SRP19: variants seen among roughly 807,000 people sequenced by gnomAD.
SRP19 encodes signal recognition particle 19 kDa protein.
Under a neutral mutation model 22.4 loss-of-function variants are expected in SRP19, and 11 were observed. That is an observed-to-expected ratio of 0.49 (90% CI 0.31 to 0.81). The LOEUF is 0.81. SRP19 is among the 40% of genes least tolerant of loss of function. SRP19 has a pLI of 0.05. For synonymous variants in SRP19, 61 were observed against 57.6 expected (o/e 1.06, Z -0.27); for missense variants, 168 against 175.9 (o/e 0.96, Z 0.25).
Position 112,869,634 on chromosome 5 carries a change from A to T in SRP19, c.*2097A>T, listed in dbSNP as rs1767712978. ...ATCTCATCTTGAATTATAATCCCCA[A>T]ATCCCTATGTGTTAAGGGTGGGACC... On this transcript the variant is annotated 3_prime_UTR_variant, in exon 5 of 5. Coordinates refer to ENST00000505459, the MANE Select transcript of SRP19 (RefSeq NM_003135.3). 1 of 152,268 alleles carries T rather than the reference A, an allele frequency of 6.6e-6. No homozygotes were observed. The highest frequency in any genetic ancestry group is 1.5e-5 in the Non-Finnish European group (1 of 68,082). The allele number at this position is 152,268 out of a possible 1,614,324, so 9.4% of individuals were successfully genotyped here.
At chr5:112,880,733 C>T (rs1768047876) in intron 4 of SRP19, among the ~76,000 whole-genome samples, 1 of 152,062 alleles carries the variant, frequency 6.6e-6, no homozygotes, top group Non-Finnish European at 1.5e-5. Context: ...CTAAGAGAAC[C>T]AAGAGGCTAA....
At chr5:112,884,271 C>T (rs925622268) in intron 4 of SRP19, among the ~76,000 whole-genome samples, 3 of 152,184 alleles carry the variant, frequency 2.0e-5, no homozygotes, top group Admixed American at 1.3e-4. Flanking sequence ...TCTTCCACCT[C>T]ATCTCCTCCT....
rs191227399 is a variant in SRP19, at chr5:112,892,334, A to G, written c.*727A>G. 4.1e-4 allele frequency: 668 copies of G among 1,614,188 alleles called. 4 individuals carry two copies. The African/African-American group carries it at 7.8e-3, about 19-fold the overall frequency. ...TATGACCCTGACGCAAGCCTGGAGTACAGCGAGGAAGAAACCTACCAACAG... is the reference window on the plus strand; with the variant it reads ...TATGACCCTGACGCAAGCCTGGAGTGCAGCGAGGAAGAAACCTACCAACAG... On this transcript the variant is annotated 3_prime_UTR_variant, in exon 5 of 5. Coordinates refer to the SRP19 transcript ENST00000391338.
At chr5:112,888,838 T>C (rs1356573077) in intron 4 of SRP19, among the ~76,000 whole-genome samples, 2 of 150,786 alleles carry the variant, frequency 1.3e-5, no homozygotes, top group Admixed American at 1.3e-4. Flanking sequence ...ATGGTTTAGC[T>C]GTGTCCCCAC....
chr5:112,894,129 T>TG (rs1289946445), downstream of SRP19: 1 of 83,958 alleles, frequency 1.2e-5, no homozygotes, highest in Non-Finnish European at 2.4e-5. Context: ...TTTTTGTTTT[T>TG]TTTTTTTTTT....
intron 4 of SRP19, among the ~76,000 whole-genome samples, chr5:112,890,796 G>C (rs745614557): frequency 9.3e-5 from 14 of 150,646 alleles, no homozygotes; most frequent in Non-Finnish European, 1.9e-4. Context: ...TTCCAATCCT[G>C]GTTCTGCCAT....
intron 4 of SRP19, among the ~76,000 whole-genome samples, chr5:112,890,914 G>A (rs1768419629): frequency 6.7e-6 from 1 of 150,372 alleles, no homozygotes; most frequent in African/African-American, 2.5e-5. Context: ...CTATAATTTT[G>A]TAAGAAAATA....
chr5:112,890,904 C>T (rs1326954277), intron 4 of SRP19, among the ~76,000 whole-genome samples: 1 of 150,370 alleles, frequency 6.7e-6, no homozygotes, highest in Non-Finnish European at 1.5e-5. Flanking sequence ...AAATTTACCC[C>T]TATAATTTTG....
chr5:112,867,269 GAT>G lies in SRP19; in HGVS notation c.302-134_302-133del, dbSNP rs561616034. The G allele has an allele frequency of 2.1e-4, 220 of 1,039,008 alleles. 1 individual carries two copies. In the African/African-American group the frequency reaches 2.9e-3, roughly 14 times the overall value. The allele number at this position is 1,039,008 out of a possible 1,614,324, so 64.4% of individuals were successfully genotyped here. On this transcript the variant is annotated intron_variant, in intron 4 of 4. Transcript: ENST00000505459. ...AGCTAGTCAGTGTCTTCAGTCATTT[GAT>G]TTTTGATTTTTTAAAAAAGTTATTT...
intron 4 of SRP19, among the ~76,000 whole-genome samples, chr5:112,882,698 G>A (rs979861686): frequency 6.6e-6 from 1 of 152,162 alleles, no homozygotes; most frequent in Non-Finnish European, 1.5e-5. Flanking sequence ...ACACTACAAT[G>A]GCAGAGAAGA....
downstream of SRP19, chr5:112,894,378 G>A (rs576739163): frequency 3.9e-5 from 6 of 152,296 alleles, no homozygotes; most frequent in African/African-American, 1.4e-4. Flanking sequence ...GCCTCCTAAT[G>A]TGCTTAGGAT....
downstream of SRP19, chr5:112,895,259 T>C (rs1415743072): frequency 2.0e-5 from 1 of 49,954 alleles, no homozygotes; most frequent in Admixed American, 2.0e-4. Context: ...AAAAAAAAAA[T>C]CAGGAGAGGT....
rs150127064 is a variant in SRP19, at chr5:112,866,472, A to G, written c.302-932A>G. ...AGCAACCCTCCTGCCTCAGCCTCCCAAGTAGCTGGGAATATCGGCACATGA... is the reference window on the plus strand; with the variant it reads ...AGCAACCCTCCTGCCTCAGCCTCCCGAGTAGCTGGGAATATCGGCACATGA... On this transcript the variant is annotated intron_variant, in intron 4 of 4. Transcript: ENST00000505459. Among the ~76,000 whole-genome samples, 1,145 of 152,106 alleles carry G rather than the reference A, an allele frequency of 7.5e-3. 9 individuals carry two copies. The highest frequency in any genetic ancestry group is 0.026 in the African/African-American group (1,075 of 41,494).
At position 112,861,307 on chromosome 5, in the gene SRP19, A is replaced by AGCCGGGTTCCTCCCGGGTTTCT; in HGVS notation, c.-61_-40dup. 2.5e-6 allele frequency: 4 copies of AGCCGGGTTCCTCCCGGGTTTCT among 1,585,316 alleles called. No individual in the cohort carries two copies. The highest frequency in any genetic ancestry group is 1.7e-5 in the Admixed American group (1 of 59,998). ...AAAGCGGGCTGTCTCGGAAACTCAG[A>AGCCGGGTTCCTCCCGGGTTTCT]GCCGGGTTCCTCCCGGGTTTCTGCC... On this transcript the variant is annotated 5_prime_UTR_variant, in exon 1 of 5. Coordinates refer to ENST00000505459, the MANE Select transcript of SRP19 (RefSeq NM_003135.3).
chr5:112,863,283 T>C (rs1161430049), intron 2 of SRP19, among the ~76,000 whole-genome samples: 1 of 152,218 alleles, frequency 6.6e-6, no homozygotes, highest in Non-Finnish European at 1.5e-5. Context: ...ATTTTGTATC[T>C]TTTTTTCACT....
downstream of SRP19, among the ~76,000 whole-genome samples, chr5:112,873,342 A>AT (rs1767802017): frequency 9.2e-5 from 2 of 21,720 alleles, no homozygotes; most frequent in Admixed American, 6.6e-4. Flanking sequence ...AACCTTTCCT[A>AT]TTCTTTTTTT....
intron 4 of SRP19, among the ~76,000 whole-genome samples, chr5:112,889,356 T>C (rs1334123359): frequency 6.6e-6 from 1 of 150,694 alleles, no homozygotes; most frequent in Non-Finnish European, 1.5e-5. Flanking sequence ...AAAATAAAGT[T>C]ATGGGAAAGA....
intron 4 of SRP19, among the ~76,000 whole-genome samples, chr5:112,891,439 A>G (rs1431619621): frequency 6.6e-6 from 1 of 152,174 alleles, no homozygotes; most frequent in African/African-American, 2.4e-5. Context: ...GATATACTTA[A>G]TTACAAAAAA....
chr5:112,867,995 G>A lies in SRP19; in HGVS notation c.*458G>A. On this transcript the variant is annotated 3_prime_UTR_variant, in exon 5 of 5. Transcript: ENST00000505459. ...GTAGTGAAAGTTTCCATAGTGTGAG[G>A]CTAAAACTAGAAGAAACTGTGGTAG... is the stretch of plus-strand genomic sequence containing the variant. 1.0e-5 allele frequency: 10 copies of A among 986,548 alleles called. No individual in the cohort carries two copies. The highest frequency in any genetic ancestry group is 1.2e-5 in the Non-Finnish European group (10 of 830,634). 61.1% of individuals were successfully genotyped at this position (986,548 alleles called of 1,614,324 possible). A position where few individuals can be genotyped will look rare whatever the true frequency, so the allele number is the denominator to read the frequency against.
Sources: allele counts gnomAD v4.1 joint callset (sites outside exome capture counted in the v4.1 genomes callset), GRCh38; gene constraint gnomAD v4.1.1; transcripts MANE v1.5; gene names NCBI Gene and HGNC (gene_info 2026-07-23, HGNC 2026-07-21).